SLC6A11: variants seen among roughly 807,000 people sequenced by gnomAD.
The protein encoded by SLC6A11 is sodium- and chloride-dependent GABA transporter 3.
A neutral mutation model predicts 74.8 loss-of-function variants in SLC6A11; 25 were observed. The observed-to-expected ratio is 0.33, with a 90% confidence interval of 0.24 to 0.47. The LOEUF (loss-of-function observed/expected upper bound fraction) is 0.47, where lower values mean the gene tolerates loss of function less well. Among genes scored for constraint, SLC6A11 ranks in the 20% least tolerant of loss-of-function variants. The probability of loss-of-function intolerance (pLI) is 1.00; values close to 1 mark genes in which losing one functional copy is unlikely to be tolerated. For missense variants in SLC6A11, 574 were observed against 837.0 expected, an observed-to-expected ratio of 0.69 and a Z score of 3.88; for synonymous variants, 330 against 330.2, an observed-to-expected ratio of 1.00 and a Z score of 0.01.
At chr3:10,916,539 AG>A (rs1419971434) in intron 7 of SLC6A11, among the ~76,000 whole-genome samples, 1 of 152,192 alleles carries the variant, frequency 6.6e-6, no homozygotes. Context: ...TCCAGGCCGA[AG>A]GGGTAGCAGC....
intron 7 of SLC6A11, among the ~76,000 whole-genome samples, chr3:10,913,152 A>G (rs1360672848): frequency 6.6e-6 from 1 of 151,466 alleles, no homozygotes; most frequent in Non-Finnish European, 1.5e-5. Flanking sequence ...TCTTTCCACC[A>G]TAGTTAAGTG....
chr3:10,887,194 G>C (rs1231417910), intron 6 of SLC6A11, among the ~76,000 whole-genome samples: 1 of 151,918 alleles, frequency 6.6e-6, no homozygotes, highest in African/African-American at 2.4e-5. Context: ...CAGATGGATA[G>C]ATGAATGATA....
intron 13 of SLC6A11, among the ~76,000 whole-genome samples, chr3:10,935,848 A>G (rs750210877): frequency 2.0e-5 from 3 of 152,158 alleles, no homozygotes; most frequent in Non-Finnish European, 4.4e-5. Context: ...ATTGTCATGA[A>G]TCTGCTTTAG....
intron 13 of SLC6A11, among the ~76,000 whole-genome samples, chr3:10,935,718 CAGTT>C (rs1349743595): frequency 2.0e-5 from 3 of 152,188 alleles, no homozygotes; most frequent in African/African-American, 4.8e-5. Context: ...ACACAGCCAA[CAGTT>C]AGCAGATCAC....
intron 6 of SLC6A11, among the ~76,000 whole-genome samples, chr3:10,885,303 A>G (rs1695029570): frequency 6.6e-6 from 1 of 152,128 alleles, no homozygotes; most frequent in East Asian, 1.9e-4. Context: ...AGGTCTGTAG[A>G]AATCTGGACT....
At chr3:10,864,728 G>T (rs539327241) in intron 5 of SLC6A11, among the ~76,000 whole-genome samples, 1 of 152,190 alleles carries the variant, frequency 6.6e-6, no homozygotes, top group African/African-American at 2.4e-5. Flanking sequence ...AGCCGCCACA[G>T]TTAGGACTTC....
chr3:10,901,298 A>G (rs943368807), intron 6 of SLC6A11, among the ~76,000 whole-genome samples: 7 of 152,224 alleles, frequency 4.6e-5, no homozygotes, highest in African/African-American at 1.7e-4. Flanking sequence ...TGCACTCTCC[A>G]TGCCTGGACA....
intron 6 of SLC6A11, among the ~76,000 whole-genome samples, chr3:10,910,127 G>T (rs1183151331): frequency 6.6e-6 from 1 of 152,166 alleles, no homozygotes; most frequent in African/African-American, 2.4e-5. Context: ...GTTCCTCACA[G>T]AGCTCCAAGA....
At chr3:10,875,200 G>A (rs1369980502) in intron 6 of SLC6A11, 105 bp downstream of exon 6, 2 of 988,230 alleles carry the variant, frequency 2.0e-6, no homozygotes, top group Non-Finnish European at 2.8e-6. Context: ...GTTGAACAGT[G>A]GAAAGCCTGT....
At chr3:10,903,439 G>T (rs899388434) in intron 6 of SLC6A11, among the ~76,000 whole-genome samples, 2 of 152,146 alleles carry the variant, frequency 1.3e-5, no homozygotes, top group African/African-American at 4.8e-5. Flanking sequence ...CCCACAAGTT[G>T]CTCCTCTCTG....
intron 6 of SLC6A11, among the ~76,000 whole-genome samples, chr3:10,886,113 C>T (rs549687701): frequency 1.8e-4 from 28 of 152,334 alleles, no homozygotes; most frequent in African/African-American, 6.5e-4. Flanking sequence ...GTTCCCATCT[C>T]TCAGGATTGC....
intron 9 of SLC6A11, among the ~76,000 whole-genome samples, chr3:10,927,398 G>A (rs1047156950): frequency 2.6e-4 from 40 of 152,178 alleles, no homozygotes; most frequent in Non-Finnish European, 5.6e-4. Flanking sequence ...ATCCCCATGC[G>A]TGCTGCCCTT....
rs1695807116 is a variant in SLC6A11, at chr3:10,940,079, T to C, written c.*1677T>C. ...GCATCTCTGCTCTGGCCAGCCCTGA[T>C]CTGAAGCCTGTGTCTACTAAGAGGG... On this transcript the variant is annotated 3_prime_UTR_variant, in exon 14 of 14. Transcript: ENST00000254488. 1 of 152,354 alleles carries C rather than the reference T, an allele frequency of 6.6e-6. No homozygotes were observed. The highest frequency in any genetic ancestry group is 2.4e-5 in the African/African-American group (1 of 41,460). 9.4% of individuals were successfully genotyped at this position (152,354 alleles called of 1,614,324 possible).
Position 10,940,703 on chromosome 3 carries a change from A to G in SLC6A11, c.*2301A>G, listed in dbSNP as rs113706525. On this transcript the variant is annotated 3_prime_UTR_variant, in exon 14 of 14. Transcript: ENST00000254488. ...CTTACTCATTTTTAAAAATTAAAGA[A>G]ATGAACAATCAGTGTGGCTATTCCT... is the stretch of plus-strand genomic sequence containing the variant. The G allele has an allele frequency of 2.6e-5, 4 of 152,192 alleles. No homozygotes were observed. The highest frequency in any genetic ancestry group is 9.7e-5 in the African/African-American group (4 of 41,430). The allele number at this position is 152,192 out of a possible 1,614,324, so 9.4% of individuals were successfully genotyped here.
intron 5 of SLC6A11, among the ~76,000 whole-genome samples, chr3:10,856,431 C>T (rs1439247507): frequency 6.6e-6 from 1 of 152,208 alleles, no homozygotes; most frequent in African/African-American, 2.4e-5. Flanking sequence ...TTGGCCTGGG[C>T]CCTCCACTTT....
intron 6 of SLC6A11, among the ~76,000 whole-genome samples, chr3:10,910,972 C>T (rs1353032780): frequency 1.3e-5 from 2 of 152,086 alleles, no homozygotes; most frequent in Non-Finnish European, 2.9e-5. Context: ...CAGGCCCCCG[C>T]CACCACACCT....
Position 10,877,270 on chromosome 3 carries a change from G to A in SLC6A11, c.891+2175G>A, listed in dbSNP as rs570039270. ...GGTCCCAAGATTACCTACATATTTG[G>A]TAATTTAGGATTCACAGGACACAGA... On this transcript the variant is annotated intron_variant, in intron 6 of 13. Coordinates refer to ENST00000254488, the MANE Select transcript of SLC6A11 (RefSeq NM_014229.3). Among the ~76,000 whole-genome samples, 7 of 152,314 alleles carry A rather than the reference G, an allele frequency of 4.6e-5. No individual in the cohort carries two copies. In the South Asian group the frequency reaches 6.2e-4, roughly 14 times the overall value.
At chr3:10,934,880 T>A (rs1695737700) in intron 12 of SLC6A11, 149 bp from the exon 13 acceptor site, 3 of 687,154 alleles carry the variant, frequency 4.4e-6, no homozygotes, top group Non-Finnish European at 7.6e-6. Context: ...ACTGTGGTCC[T>A]GGCAGGGCCT....
At chr3:10,901,615 C>A (rs1695241398) in intron 6 of SLC6A11, among the ~76,000 whole-genome samples, 1 of 152,226 alleles carries the variant, frequency 6.6e-6, no homozygotes, top group Non-Finnish European at 1.5e-5. Flanking sequence ...ACTGGCCCTG[C>A]CTGCCTGCCC....
Sources: gnomAD v4.1 joint callset for allele counts (sites outside exome capture counted in the v4.1 genomes callset) on GRCh38, gnomAD v4.1.1 for gene constraint, MANE v1.5 for transcripts, NCBI Gene and HGNC (gene_info 2026-07-23, HGNC 2026-07-21) for gene names.